The following ELANE variants were observed in gnomAD, a reference collection of about 807,000 sequenced individuals.
ELANE encodes elastase, neutrophil expressed.
A neutral mutation model predicts 20.6 loss-of-function variants in ELANE; 12 were observed. That is an observed-to-expected ratio of 0.58 (90% CI 0.37 to 0.94). The LOEUF is 0.94. Ranked by LOEUF, ELANE falls within the 40% of genes least tolerant of loss-of-function variation. ELANE has a pLI of 0.01. For missense variants in ELANE, 388 were observed against 395.2 expected (o/e 0.98, Z 0.15); for synonymous variants, 203 against 177.4 (o/e 1.14, Z -1.15).
At chr19:853,643 A>C (rs1464816777) in intron 3 of ELANE, among the ~76,000 whole-genome samples, 1 of 152,046 alleles carries the variant, frequency 6.6e-6, no homozygotes, top group Non-Finnish European at 1.5e-5. Context: ...TCAATCAACA[A>C]ACTTACTGAG....
At position 852,917 on chromosome 19, in the gene ELANE, C is replaced by G. The variant is rs1417841099; in HGVS notation, c.109C>G (p.Arg37Gly). The change falls in exon 2 of 5, where the codon CGG (arginine) becomes GGG (glycine). Residue 37 changes from arginine (R) to glycine (G), a missense_variant. Coordinates refer to ENST00000263621, the MANE Select transcript of ELANE (RefSeq NM_001972.4). The stretch of plus-strand genomic sequence containing the variant: ...GGAGATTGTGGGGGGCCGGCGAGCG[C>G]GGCCCCACGCGTGGCCCTTCATGGT... ...ASEIVGGRRA[R>G]PHAWPFMVSL... 6.3e-7 allele frequency: 1 copy of G among 1,596,378 alleles called. No homozygotes were observed. Among genetic ancestry groups the G allele is most frequent in the Admixed American group, 1.7e-5 (1 of 59,732 alleles).
At position 855,377 on chromosome 19, in the gene ELANE, C is replaced by T. The variant is rs540566540; in HGVS notation, c.367-187C>T. Among the ~76,000 whole-genome samples the T allele has an allele frequency of 4.6e-5, 7 of 152,272 alleles. No homozygotes were observed. The highest frequency in any genetic ancestry group is 7.2e-5 in the African/African-American group (3 of 41,556). The stretch of plus-strand genomic sequence containing the variant: ...CCTCCAACGCCCTGAGCCTTGGTGA[C>T]GGCTCCCACTCTACAGATGGGGAAA... On this transcript the variant is annotated intron_variant, in intron 3 of 4. Coordinates refer to ENST00000263621, the MANE Select transcript of ELANE (RefSeq NM_001972.4). This position sits in a 1 kb window ranked among gnomAD's most constrained non-coding sequence, Gnocchi z 6.2.
intron 3 of ELANE, among the ~76,000 whole-genome samples, chr19:854,607 GCCA>G (rs2035645798): frequency 6.7e-6 from 1 of 149,848 alleles, no homozygotes; most frequent in African/African-American, 2.5e-5. Context: ...AACCACAGGT[GCCA>G]CCACGTGGGT....
chr19:853,179 C>T (rs1033255773), intron 2 of ELANE, 83 bp from the exon 3 acceptor site: 27 of 1,498,368 alleles, frequency 1.8e-5, no homozygotes, highest in Admixed American at 1.3e-4. Context: ...CCCTCAGGCC[C>T]GTCGCCGGAT....
intron 1 of ELANE, 28 bp downstream of exon 1, chr19:852,423 G>A: frequency 6.2e-7 from 1 of 1,602,482 alleles, no homozygotes. Flanking sequence ...ACCTCCCGCT[G>A]CTCCCTCTGT....
Position 852,325 on chromosome 19 carries a change from C to T in ELANE, c.-4C>T, listed in dbSNP as rs918362119. The T allele has an allele frequency of 6.2e-7, 1 of 1,608,680 alleles. No individual in the cohort carries two copies. Reference sequence around the variant, plus strand: ...GGCAGAGACCCCGGAGCCCCAGCCCCACCATGACCCTCGGCCGCCGACTCG... The same window carrying T: ...GGCAGAGACCCCGGAGCCCCAGCCCTACCATGACCCTCGGCCGCCGACTCG... On this transcript the variant is annotated 5_prime_UTR_variant, in exon 1 of 5. Coordinates refer to ENST00000263621, the MANE Select transcript of ELANE (RefSeq NM_001972.4).
At position 856,087 on chromosome 19, in the gene ELANE, G is replaced by A. The variant is rs752022665; in HGVS notation, c.727G>A (p.Asp243Asn). 1 of 1,613,324 alleles carries A rather than the reference G, an allele frequency of 6.2e-7. No individual in the cohort carries two copies. The highest frequency in any genetic ancestry group is 8.5e-7 in the Non-Finnish European group (1 of 1,180,010). ...GGTGGCACAGTTTGTAAACTGGATCGACTCTATCATCCAACGCTCCGAGGA... is the reference window on the plus strand; with the variant it reads ...GGTGGCACAGTTTGTAAACTGGATCAACTCTATCATCCAACGCTCCGAGGA... ...APVAQFVNWI[D>N]SIIQRSEDNP... Residue 243 changes from aspartate to asparagine, a missense_variant, in exon 5 of 5, where the codon GAC becomes AAC. Asp to Asn is a conservative substitution (Grantham distance 23). This residue lies in a region of ELANE where 321 missense variants were observed against 309.8 expected (regional missense o/e 1.04). Coordinates refer to ENST00000263621, the MANE Select transcript of ELANE (RefSeq NM_001972.4).
chr19:855,975 C>T lies in ELANE; in HGVS notation c.615C>T (p.Pro205=). The part of the protein sequence containing the change: ...AGVCFGDSGS[P]LVCNGLIHGI... ...CTCCACAGGGGGACTCCGGCAGCCCCTTGGTCTGCAACGGGCTAATCCACG... is the reference window on the plus strand; with the variant it reads ...CTCCACAGGGGGACTCCGGCAGCCCTTTGGTCTGCAACGGGCTAATCCACG... The change falls in exon 5 of 5, where the codon CCC becomes CCT. Residue 205 remains proline, a synonymous_variant. Transcript: ENST00000263621. The surrounding 1 kb of genome is among the most constrained non-coding windows in gnomAD (Gnocchi z 6.2). The T allele has an allele frequency of 1.9e-6, 3 of 1,613,332 alleles. No homozygotes were observed. Among genetic ancestry groups the T allele is most frequent in the East Asian group, 2.2e-5 (1 of 44,882 alleles).
Position 855,941 on chromosome 19 carries a change from C to A in ELANE, c.598-17C>A. On this transcript the variant is annotated splice_polypyrimidine_tract_variant and intron_variant, in intron 4 of 4. Coordinates refer to ENST00000263621, the MANE Select transcript of ELANE (RefSeq NM_001972.4). The surrounding 1 kb of genome is among the most constrained non-coding windows in gnomAD (Gnocchi z 6.2). ...GGGCCTCGCAGTCCAGCTTCCCCACCTTGTCTGCCTCCACAGGGGGACTCC... is the reference window on the plus strand; with the variant it reads ...GGGCCTCGCAGTCCAGCTTCCCCACATTGTCTGCCTCCACAGGGGGACTCC... 6.2e-7 allele frequency: 1 copy of A among 1,612,938 alleles called. No homozygotes were observed.
intron 1 of ELANE, 54 bp downstream of exon 1, chr19:852,449 C>A: frequency 6.3e-7 from 1 of 1,576,980 alleles, no homozygotes; most frequent in Non-Finnish European, 8.6e-7. Context: ...GTTCTGTTCC[C>A]ACCTCTCCAT....
intron 3 of ELANE, among the ~76,000 whole-genome samples, chr19:854,685 ATATTT>A (rs1423120437): frequency 5.5e-5 from 8 of 146,322 alleles, no homozygotes; most frequent in Admixed American, 7.0e-5. Context: ...TAATAAATAT[ATATTT>A]TATTTAAATA....
rs777834651 is a variant in ELANE at position 855,782 on chromosome 19, C to T, written c.585C>T (p.Ala195=). 1.2e-5 allele frequency: 20 copies of T among 1,608,588 alleles called. 1 individual carries two copies. The African/African-American group carries it at 1.9e-4, about 15-fold the overall frequency. ...NVCTLVRGRQ[A]GVCFGDSGSP... ...GCACTCTCGTGAGGGGCCGGCAGGC[C>T]GGCGTCTGTTTCGTACGTGCCCTGG... The change falls in exon 4 of 5, where the codon GCC becomes GCT. Residue 195 remains alanine (A), a synonymous_variant. Transcript: ENST00000263621. This position sits in a 1 kb window ranked among gnomAD's most constrained non-coding sequence, Gnocchi z 6.2.
chr19:853,685 A>G (rs1184415026), intron 3 of ELANE, among the ~76,000 whole-genome samples: 2 of 149,798 alleles, frequency 1.3e-5, no homozygotes, highest in East Asian at 4.0e-4. Context: ...TCAATCAACA[A>G]ACTTACTGAG....
In ELANE at chr19:856,236, G is replaced by A; in HGVS notation, c.*72G>A. ...GCATCTGGCACAATAAACATTCTCT[G>A]TTTTGTAGAATGTGTTTGATGCTCC... On this transcript the variant is annotated 3_prime_UTR_variant, in exon 5 of 5. Coordinates refer to ENST00000263621, the MANE Select transcript of ELANE (RefSeq NM_001972.4). The A allele has an allele frequency of 1.9e-6, 3 of 1,576,468 alleles. No individual in the cohort carries two copies. Among genetic ancestry groups the A allele is most frequent in the Non-Finnish European group, 2.6e-6 (3 of 1,148,840 alleles).
chr19:853,961 A>G (rs2035634499), intron 3 of ELANE, among the ~76,000 whole-genome samples: 1 of 135,998 alleles, frequency 7.4e-6, no homozygotes, highest in Non-Finnish European at 1.6e-5. Context: ...GGAGGCCCCG[A>G]TCTGTTGTCA....
Position 855,608 on chromosome 19 carries a change from G to A in ELANE, c.411G>A (p.Gln137=). 1.2e-6 allele frequency: 2 copies of A among 1,602,038 alleles called. No homozygotes were observed. Among genetic ancestry groups the A allele is most frequent in the African/African-American group, 1.3e-5 (1 of 75,050 alleles). The change falls in exon 4 of 5, where the codon CAG becomes CAA. Residue 137 remains glutamine (Q), a synonymous_variant. Coordinates refer to ENST00000263621, the MANE Select transcript of ELANE (RefSeq NM_001972.4). This position sits in a 1 kb window ranked among gnomAD's most constrained non-coding sequence, Gnocchi z 6.2. The part of the protein sequence containing the change: ...ATINANVQVA[Q]LPAQGRRLGN... ...TCAACGCCAACGTGCAGGTGGCCCAGCTGCCGGCTCAGGGACGCCGCCTGG... is the reference window on the plus strand; with the variant it reads ...TCAACGCCAACGTGCAGGTGGCCCAACTGCCGGCTCAGGGACGCCGCCTGG...
Position 855,915 on chromosome 19 carries a change from A to C in ELANE, c.598-43A>C, listed in dbSNP as rs2035672658. On this transcript the variant is annotated intron_variant, in intron 4 of 4. Transcript: ENST00000263621. This position sits in a 1 kb window ranked among gnomAD's most constrained non-coding sequence, Gnocchi z 6.2. ...CCTGACAGGCGGCGGGCAGGTGGGCAGGGCCTCGCAGTCCAGCTTCCCCAC... is the reference window on the plus strand; with the variant it reads ...CCTGACAGGCGGCGGGCAGGTGGGCCGGGCCTCGCAGTCCAGCTTCCCCAC... 2.5e-6 allele frequency: 4 copies of C among 1,611,016 alleles called. No homozygotes were observed. In the South Asian group the frequency reaches 4.4e-5, roughly 18 times the overall value.
intron 2 of ELANE, 115 bp downstream of exon 2, chr19:853,147 C>T: frequency 6.8e-7 from 1 of 1,461,912 alleles, no homozygotes; most frequent in Non-Finnish European, 9.0e-7. Flanking sequence ...CCAGGGCCCG[C>T]GGGGCCCCTC....
rs1057439828 is a variant in ELANE, at chr19:855,445, G to T, written c.367-119G>T. 1.4e-5 allele frequency: 16 copies of T among 1,151,176 alleles called. No individual in the cohort carries two copies. The African/African-American group carries it at 2.3e-4, about 17-fold the overall frequency. 71.3% of individuals were successfully genotyped at this position (1,151,176 alleles called of 1,614,324 possible). A position where few individuals can be genotyped will look rare whatever the true frequency, so the allele number is the denominator to read the frequency against. On this transcript the variant is annotated intron_variant, in intron 3 of 4. Coordinates refer to ENST00000263621, the MANE Select transcript of ELANE (RefSeq NM_001972.4). This position sits in a 1 kb window ranked among gnomAD's most constrained non-coding sequence, Gnocchi z 6.2. ...GAGCAGAGTGTGGGGTGGGTATCCT[G>T]CCCTGCAGGATCCCAGAACCACAGT... is the stretch of plus-strand genomic sequence containing the variant.
Sources: gnomAD v4.1 joint callset for allele counts (sites outside exome capture counted in the v4.1 genomes callset) on GRCh38, gnomAD v4.1.1 for gene constraint, gnomAD v4.1.1 regional missense constraint, Gnocchi (gnomAD v3.1) non-coding constraint, MANE v1.5 for transcripts, NCBI Gene and HGNC (gene_info 2026-07-23, HGNC 2026-07-21) for gene names.